Variants in ATF2 observed in about 807,000 individuals in gnomAD.
ATF2 encodes the protein cyclic AMP-dependent transcription factor ATF-2.
A neutral mutation model predicts 60.6 loss-of-function variants in ATF2; 24 were observed. The observed-to-expected ratio is 0.40, with a 90% CI of 0.29 to 0.56. ATF2 has a LOEUF of 0.56. Among genes scored for constraint, ATF2 ranks in the 20% least tolerant of loss-of-function variants. The pLI, the probability that ATF2 is intolerant of heterozygous loss-of-function variation, is 0.54. For missense variants in ATF2, 433 were observed against 607.7 expected (o/e 0.71, Z 3.02); for synonymous variants, 206 against 215.4 (o/e 0.96, Z 0.38).
chr2:175,129,922 C>T (rs1469679240), intron 4 of ATF2, among the ~76,000 whole-genome samples: 3 of 151,766 alleles, frequency 2.0e-5, no homozygotes, highest in Non-Finnish European at 2.9e-5. Context: ...ATATAATGCT[C>T]CCCCCCTCCG....
chr2:175,091,771 G>C (rs1694565430), intron 12 of ATF2, among the ~76,000 whole-genome samples: 1 of 152,174 alleles, frequency 6.6e-6, no homozygotes, highest in African/African-American at 2.4e-5. Flanking sequence ...GCTGAGGCAG[G>C]AGAATCACTG....
At chr2:175,142,236 G>A (rs1265498257) in intron 2 of ATF2, among the ~76,000 whole-genome samples, 3 of 149,950 alleles carry the variant, frequency 2.0e-5, no homozygotes, top group African/African-American at 7.4e-5. Flanking sequence ...GCCCAGGCTG[G>A]AGTGCAATGT....
In ATF2 at chr2:175,093,226, A is replaced by C; in HGVS notation, c.1020T>G (p.Ser340Arg). 1 of 1,614,040 alleles carries C rather than the reference A, an allele frequency of 6.2e-7. No homozygotes were observed. Among genetic ancestry groups the C allele is most frequent in the Non-Finnish European group, 8.5e-7 (1 of 1,179,990 alleles). The change falls in exon 12 of 14, where the codon AGT becomes AGG. Residue 340 changes from serine to arginine, a missense_variant. Ser to Arg is a moderately radical substitution (Grantham distance 110, BLOSUM62 -1). This residue lies in a region of ATF2 where 246 missense variants were observed against 309.3 expected (regional missense o/e 0.80). Transcript: ENST00000264110. Reference protein sequence around the residue: ...AHTTPQTQSTSGRRRRAANED... With the variant: ...AHTTPQTQSTRGRRRRAANED... ...CGTTAGCTGCTCTTCTCCGACGACCACTTGTACTTTGGGTCTGTGGAGTTG... is the reference window on the plus strand; with the variant it reads ...CGTTAGCTGCTCTTCTCCGACGACCCCTTGTACTTTGGGTCTGTGGAGTTG...
At chr2:175,112,618 T>C (rs149831464) in intron 9 of ATF2, among the ~76,000 whole-genome samples, 12 of 152,252 alleles carry the variant, frequency 7.9e-5, no homozygotes, top group African/African-American at 2.7e-4. Context: ...AAGGTCTTAC[T>C]TTGTTGCCCA....
intron 3 of ATF2, among the ~76,000 whole-genome samples, chr2:175,136,116 T>C (rs111941636): frequency 9.9e-4 from 150 of 151,752 alleles, no homozygotes; most frequent in African/African-American, 3.5e-3. Context: ...GCCAAAGCTA[T>C]TTGCTATTTG....
intron 7 of ATF2, among the ~76,000 whole-genome samples, chr2:175,117,650 A>G (rs892883189): frequency 2.6e-5 from 4 of 152,170 alleles, no homozygotes; most frequent in African/African-American, 9.6e-5. Context: ...CACTGTTCAA[A>G]TAATTTTTTG....
chr2:175,113,869 T>C (rs1696372105), intron 9 of ATF2, 125 bp downstream of exon 9: 1 of 843,106 alleles, frequency 1.2e-6, no homozygotes, highest in Admixed American at 2.4e-5. Flanking sequence ...AACAAATAAA[T>C]ACTATCAACT....
chr2:175,127,424 T>C (rs1451412397), intron 4 of ATF2, among the ~76,000 whole-genome samples: 1 of 152,014 alleles, frequency 6.6e-6, no homozygotes, highest in Admixed American at 6.6e-5. Flanking sequence ...ATTAGCCTAT[T>C]TCTCTCTCTG....
chr2:175,085,836 T>C (rs912212397), intron 12 of ATF2, among the ~76,000 whole-genome samples: 6 of 152,146 alleles, frequency 3.9e-5, no homozygotes, highest in Non-Finnish European at 8.8e-5. Flanking sequence ...TGAATTTTAA[T>C]TGGCATTAAC....
rs35674475 is a variant in ATF2 at position 175,104,964 on chromosome 2, T to C, written c.828+6604A>G. Among the ~76,000 whole-genome samples, 197 of 152,286 alleles carry C rather than the reference T, an allele frequency of 1.3e-3. 2 individuals are homozygous for C. The highest frequency in any genetic ancestry group is 0.011 in the South Asian group (52 of 4,832). On this transcript the variant is annotated intron_variant, in intron 10 of 13. Transcript: ENST00000264110. ...ATGGGCCTGTGATTTTAGTTGTAAG[T>C]GCTGAGATAATCTTAAGTAAGCTTC... is the stretch of plus-strand genomic sequence containing the variant.
In ATF2 at chr2:175,074,352, T is replaced by A. The variant is rs1693131652; in HGVS notation, c.*257A>T. The A allele has an allele frequency of 1.1e-5, 3 of 270,296 alleles. No homozygotes were observed. In the South Asian group the frequency reaches 2.2e-4, roughly 20 times the overall value. 16.7% of individuals were successfully genotyped at this position (270,296 alleles called of 1,614,324 possible). ...AAATCACAATGAATTATAATACAAT[T>A]TACACATTGAGCACAGAAAAATTAA... On this transcript the variant is annotated 3_prime_UTR_variant, in exon 14 of 14. Coordinates refer to ENST00000264110, the MANE Select transcript of ATF2 (RefSeq NM_001880.4).
At chr2:175,147,802 A>G (rs1269589641) in intron 2 of ATF2, 1 of 152,218 alleles carries the variant, frequency 6.6e-6, no homozygotes, top group Non-Finnish European at 1.5e-5. Flanking sequence ...ATATAATAAT[A>G]AAGACAGGCT....
chr2:175,147,656 A>G (rs1334491865), intron 2 of ATF2, among the ~76,000 whole-genome samples: 3 of 152,230 alleles, frequency 2.0e-5, no homozygotes, highest in Non-Finnish European at 4.4e-5. Flanking sequence ...CATATTAAGA[A>G]TAAAAGTTGC....
chr2:175,097,600 T>C lies in ATF2; in HGVS notation c.829-7A>G, dbSNP rs1695017437. On this transcript the variant is annotated splice_polypyrimidine_tract_variant and splice_region_variant and intron_variant, in intron 10 of 13. Coordinates refer to ENST00000264110, the MANE Select transcript of ATF2 (RefSeq NM_001880.4). ...TCAAAGCAGCTTTTAATCTCTGCAA[T>C]GCAAACACCATTAAAAATTTTTTTT... The C allele has an allele frequency of 6.2e-7, 1 of 1,612,482 alleles. No homozygotes were observed. The highest frequency in any genetic ancestry group is 1.1e-5 in the South Asian group (1 of 90,780).
At chr2:175,091,670 C>T (rs577127986) in intron 12 of ATF2, among the ~76,000 whole-genome samples, 162 of 152,092 alleles carry the variant, frequency 1.1e-3, no homozygotes, top group African/African-American at 3.5e-3. Context: ...CGAGACCAGC[C>T]TGGCCAACAT....
chr2:175,123,814 C>T (rs1697133090), intron 4 of ATF2, among the ~76,000 whole-genome samples: 1 of 151,950 alleles, frequency 6.6e-6, no homozygotes, highest in South Asian at 2.1e-4. Flanking sequence ...ACAGGGACAG[C>T]AACACTGCAA....
At chr2:175,154,836 A>C (rs746849751) in intron 1 of ATF2, among the ~76,000 whole-genome samples, 1 of 152,234 alleles carries the variant, frequency 6.6e-6, no homozygotes, top group Non-Finnish European at 1.5e-5. Flanking sequence ...CTAATGGCAA[A>C]TTTCCTGGTA....
At chr2:175,154,890 A>T (rs1194728664) in intron 1 of ATF2, among the ~76,000 whole-genome samples, 1 of 152,244 alleles carries the variant, frequency 6.6e-6, no homozygotes, top group Non-Finnish European at 1.5e-5. Flanking sequence ...AAAAGTAGGC[A>T]TCAGTATGAG....
At chr2:175,129,523 G>A (rs1265646890) in intron 4 of ATF2, among the ~76,000 whole-genome samples, 1 of 151,654 alleles carries the variant, frequency 6.6e-6, no homozygotes, top group East Asian at 1.9e-4. Flanking sequence ...TTACATTTAT[G>A]GTCCGTATAT....
Sources: gnomAD v4.1 joint callset for allele counts (sites outside exome capture counted in the v4.1 genomes callset) on GRCh38, gnomAD v4.1.1 for gene constraint, gnomAD v4.1.1 regional missense constraint, MANE v1.5 for transcripts, NCBI Gene and HGNC (gene_info 2026-07-23, HGNC 2026-07-21) for gene names.